OPHN1: variants seen among roughly 807,000 people sequenced by gnomAD.
OPHN1 encodes oligophrenin 1, also known as oligophrenin-1.
OPHN1 carries 11 observed loss-of-function variants against 60.7 expected under a neutral mutation model. The observed-to-expected ratio is 0.18, with a 90% CI of 0.11 to 0.30. OPHN1 has a LOEUF of 0.30. OPHN1 is among the 10% of genes least tolerant of loss of function. The pLI is 1.00. For synonymous variants in OPHN1, 226 were observed against 222.6 expected, an observed-to-expected ratio of 1.02 and a Z score of -0.14; for missense variants, 449 against 611.0, an observed-to-expected ratio of 0.73 and a Z score of 2.80.
At chrX:68,221,801 G>A (rs1327992851) in intron 6 of OPHN1, among the ~76,000 whole-genome samples, 2 of 92,237 alleles carry the variant, frequency 2.2e-5, no homozygotes, top group Admixed American at 1.3e-4. Flanking sequence ...AGACTTAAAC[G>A]TTAGACCTAA....
At chrX:68,208,275 GA>G (rs2077569161) in intron 9 of OPHN1, among the ~76,000 whole-genome samples, 1 of 109,953 alleles carries the variant, frequency 9.1e-6, no homozygotes, top group Non-Finnish European at 1.9e-5. Flanking sequence ...ATTTTTAGTA[GA>G]GACGGGGTTT....
At chrX:68,119,393 C>G in intron 15 of OPHN1, 61 bp from the exon 16 acceptor site, 1 of 890,892 alleles carries the variant, frequency 1.1e-6, no homozygotes, top group East Asian at 3.1e-5. Context: ...TACATTTTCC[C>G]TCTTTTAAAA....
intron 2 of OPHN1, among the ~76,000 whole-genome samples, chrX:68,423,633 A>G (rs1042311600): frequency 2.7e-5 from 3 of 111,308 alleles, no homozygotes; most frequent in African/African-American, 9.8e-5. Flanking sequence ...TCTCTCTAAT[A>G]GATCTGCTTA....
chrX:68,314,261 C>T (rs1479044816), intron 2 of OPHN1, among the ~76,000 whole-genome samples: 2 of 111,705 alleles, frequency 1.8e-5, no homozygotes, highest in African/African-American at 3.3e-5. Flanking sequence ...GTGGCTCATG[C>T]CTGCAATCCC....
At chrX:68,198,083 T>A (rs946162622) in intron 11 of OPHN1, among the ~76,000 whole-genome samples, 3 of 111,375 alleles carry the variant, frequency 2.7e-5, no homozygotes, top group African/African-American at 9.8e-5. Flanking sequence ...AACCCTGTTT[T>A]ATTCTATTTA....
chrX:68,215,897 G>T (rs896413418), intron 6 of OPHN1, among the ~76,000 whole-genome samples: 3 of 111,193 alleles, frequency 2.7e-5, no homozygotes, highest in African/African-American at 9.8e-5. Context: ...GAAGAAAAAT[G>T]ATATGTCGGA....
intron 19 of OPHN1, among the ~76,000 whole-genome samples, chrX:68,092,037 G>GCATCAACTCTTCTGATT: frequency 9.0e-6 from 1 of 111,487 alleles, no homozygotes; most frequent in Admixed American, 9.6e-5. Flanking sequence ...ACTCCTTTAA[G>GCATCAACTCTTCTGATT]CATCAACTCT....
At position 68,225,453 on chromosome X, in the gene OPHN1, T is replaced by A. The variant is rs2077686060; in HGVS notation, c.486+9034A>T. ...GTGGGTCCCTGACCCCTGAGTAGCCTAACTGGGAGAAACCTCCCAGTAGGG... is the reference window on the plus strand; with the variant it reads ...GTGGGTCCCTGACCCCTGAGTAGCCAAACTGGGAGAAACCTCCCAGTAGGG... On this transcript the variant is annotated intron_variant, in intron 6 of 24. Transcript: ENST00000355520. 2.7e-5 allele frequency among the ~76,000 whole-genome samples: 3 copies of A among 112,068 alleles called. No individual in the cohort carries two copies. The South Asian group carries it at 1.1e-3, about 42-fold the overall frequency.
chrX:68,290,458 G>C (rs989412435), intron 3 of OPHN1, among the ~76,000 whole-genome samples: 2 of 110,560 alleles, frequency 1.8e-5, no homozygotes, highest in African/African-American at 6.6e-5. Context: ...AATTAGCCAG[G>C]GGTGGTGGTG....
Position 68,091,085 on chromosome X carries a change from C to T in OPHN1, c.1686+5785G>A, listed in dbSNP as rs745860752. ...GCTCACATCTCAATAAAACAGGTCC[C>T]CCTTTCCCTGAGGGGCAGCCTTAAC... On this transcript the variant is annotated intron_variant, in intron 19 of 24. Coordinates refer to ENST00000355520, the MANE Select transcript of OPHN1 (RefSeq NM_002547.3). Among the ~76,000 whole-genome samples the T allele has an allele frequency of 2.7e-5, 3 of 111,264 alleles. No homozygotes were observed. In the East Asian group the frequency reaches 8.6e-4, roughly 32 times the overall value.
rs1205681302 is a variant in OPHN1 at position 68,433,352 on chromosome X, T to G, written c.-189A>C. On this transcript the variant is annotated 5_prime_UTR_variant, in exon 1 of 25. Coordinates refer to ENST00000355520, the MANE Select transcript of OPHN1 (RefSeq NM_002547.3). ...AAGCAGCAAAAACCGCAGCCCGACTTGCCTCCGGAGACGGGCCGGATCCTT... is the reference window on the plus strand; with the variant it reads ...AAGCAGCAAAAACCGCAGCCCGACTGGCCTCCGGAGACGGGCCGGATCCTT... 2 of 304,445 alleles carry G rather than the reference T, an allele frequency of 6.6e-6. No individual in the cohort carries two copies. The highest frequency in any genetic ancestry group is 2.7e-5 in the African/African-American group (1 of 37,666). 25.1% of individuals were successfully genotyped at this position (304,445 alleles called of 1,213,427 possible).
intron 5 of OPHN1, among the ~76,000 whole-genome samples, chrX:68,257,587 T>A (rs1036126307): frequency 9.0e-6 from 1 of 111,303 alleles, no homozygotes; most frequent in African/African-American, 3.3e-5. Context: ...GAAAAAAAAA[T>A]ATTAGCTCCC....
intron 2 of OPHN1, among the ~76,000 whole-genome samples, chrX:68,361,667 A>G (rs1405822639): frequency 3.6e-5 from 4 of 111,076 alleles, no homozygotes; most frequent in Non-Finnish European, 7.5e-5. Flanking sequence ...TTACCTATTG[A>G]TAGATACTCG....
chrX:68,301,856 A>G (rs2078122623), intron 2 of OPHN1, among the ~76,000 whole-genome samples: 1 of 112,388 alleles, frequency 8.9e-6, no homozygotes, highest in African/African-American at 3.2e-5. Context: ...ATGTAGTTGG[A>G]TAGTGCTTTT....
At position 68,210,201 on chromosome X, in the gene OPHN1, G is replaced by T. The variant is rs753223452; in HGVS notation, c.784C>A (p.Leu262Ile). Residue 262 changes from leucine to isoleucine, a missense_variant, in exon 9 of 25, where the codon CTT (leucine) becomes ATT (isoleucine). Around this residue, in one of 4 missense-constraint regions of OPHN1, gnomAD observed 166 missense variants for 278.4 expected, o/e 0.60. Transcript: ENST00000355520. ...CCTTCAATAGTTGGCTGTCCTGGAA[G>T]TTTGCATGTCTGGGGAGCTTCTTTC... ...RMKEAPQTCK[L>I]PGQPTIEGYL... The T allele has an allele frequency of 8.3e-7, 1 of 1,209,937 alleles. No homozygotes were observed. The highest frequency in any genetic ancestry group is 1.1e-6 in the Non-Finnish European group (1 of 893,970).
chrX:68,423,076 AG>A (rs2078837748), intron 2 of OPHN1, among the ~76,000 whole-genome samples: 1 of 104,281 alleles, frequency 9.6e-6, no homozygotes, highest in African/African-American at 3.9e-5. Flanking sequence ...CCCAGGTTGG[AG>A]TGTAATGGCT....
chrX:68,419,767 C>T (rs1472647486), intron 2 of OPHN1, among the ~76,000 whole-genome samples: 1 of 111,220 alleles, frequency 9.0e-6, no homozygotes, highest in Non-Finnish European at 1.9e-5. Context: ...TCTCGAACTA[C>T]TGAGCTCCAG....
At chrX:68,317,338 G>GGAAGGAAAGAAAGAAAGAAAGAAA (rs2078204653) in intron 2 of OPHN1, among the ~76,000 whole-genome samples, 1 of 28,839 alleles carries the variant, frequency 3.5e-5, no homozygotes, top group Non-Finnish European at 6.4e-5. Flanking sequence ...AAGAAAGAGA[G>GGAAGGAAAGAAAGAAAGAAAGAAA]GAAAGAAAGA....
intron 6 of OPHN1, among the ~76,000 whole-genome samples, chrX:68,215,737 GA>G (rs754350637): frequency 1.4e-4 from 16 of 111,191 alleles, no homozygotes; most frequent in Admixed American, 1.1e-3. Flanking sequence ...GGTGTTGAAA[GA>G]AAAAAAGTTA....
Sources: gnomAD v4.1 joint callset for allele counts (sites outside exome capture counted in the v4.1 genomes callset) on GRCh38, gnomAD v4.1.1 for gene constraint, gnomAD v4.1.1 regional missense constraint, MANE v1.5 for transcripts, NCBI Gene and HGNC (gene_info 2026-07-23, HGNC 2026-07-21) for gene names.